NEGR1: variants seen among roughly 807,000 people sequenced by gnomAD.
NEGR1 encodes neuronal growth regulator 1.
NEGR1 carries 10 observed loss-of-function variants against 40.9 expected under a neutral mutation model. The ratio of observed to expected loss-of-function variants is 0.24; its 90% confidence interval spans 0.15 to 0.42. The LOEUF is 0.42. Ranked by LOEUF, NEGR1 falls within the 10% of genes least tolerant of loss-of-function variation. The pLI, the probability that NEGR1 is intolerant of heterozygous loss-of-function variation, is 1.00. For missense variants in NEGR1, 352 were observed against 438.9 expected (o/e 0.80, Z 1.77); for synonymous variants, 185 against 166.8 (o/e 1.11, Z -0.84).
chr1:71,500,146 G>C (rs1038648359), intron 6 of NEGR1, among the ~76,000 whole-genome samples: 1 of 151,860 alleles, frequency 6.6e-6, no homozygotes, highest in Non-Finnish European at 1.5e-5. Context: ...ATTATCTATA[G>C]TTAAGTTTTG....
chr1:71,752,818 G>A lies in NEGR1; in HGVS notation c.535+23354C>T, dbSNP rs78694675. Among the ~76,000 whole-genome samples, 54 of 152,150 alleles carry A rather than the reference G, an allele frequency of 3.5e-4. No homozygotes were observed. In the East Asian group the frequency reaches 9.5e-3, roughly 27 times the overall value. The stretch of plus-strand genomic sequence containing the variant: ...TACTATTTCCAGGAACAGGAGATTC[G>A]CTACTTAACATGGTTTCAGTTCTAT... On this transcript the variant is annotated intron_variant, in intron 3 of 6. Coordinates refer to ENST00000357731, the MANE Select transcript of NEGR1 (RefSeq NM_173808.3).
chr1:72,250,224 C>T (rs1655039622), intron 1 of NEGR1, among the ~76,000 whole-genome samples: 1 of 152,058 alleles, frequency 6.6e-6, no homozygotes, highest in Non-Finnish European at 1.5e-5. Flanking sequence ...TATCATAAGA[C>T]AATTCCTTAA....
intron 3 of NEGR1, among the ~76,000 whole-genome samples, chr1:71,770,871 C>T (rs563968411): frequency 1.3e-5 from 2 of 152,260 alleles, no homozygotes; most frequent in South Asian, 4.1e-4. Context: ...ATTAGTTCAA[C>T]CATTGTGGAA....
intron 1 of NEGR1, among the ~76,000 whole-genome samples, chr1:72,021,347 T>C (rs1198042206): frequency 6.6e-6 from 1 of 152,092 alleles, no homozygotes; most frequent in Non-Finnish European, 1.5e-5. Flanking sequence ...GCACTAAGTA[T>C]CCAAATTTAT....
chr1:72,062,865 A>G (rs1393031565), intron 1 of NEGR1, among the ~76,000 whole-genome samples: 2 of 151,928 alleles, frequency 1.3e-5, no homozygotes, highest in East Asian at 3.9e-4. Context: ...TTATTAACCA[A>G]TTAAGAAATG....
At chr1:71,477,580 C>T (rs1380607517) in intron 6 of NEGR1, 1 of 152,244 alleles carries the variant, frequency 6.6e-6, no homozygotes, top group Non-Finnish European at 1.5e-5. Flanking sequence ...TCCTCTTTCA[C>T]CTTTTACTTA....
At chr1:71,825,167 T>G (rs559933343) in intron 2 of NEGR1, among the ~76,000 whole-genome samples, 1 of 152,110 alleles carries the variant, frequency 6.6e-6, no homozygotes, top group South Asian at 2.1e-4. Flanking sequence ...TCAGTCTTTT[T>G]GATTTTAGTC....
intron 4 of NEGR1, among the ~76,000 whole-genome samples, chr1:71,620,146 T>TA (rs950898283): frequency 3.3e-5 from 5 of 151,784 alleles, no homozygotes; most frequent in African/African-American, 1.2e-4. Flanking sequence ...ACTGCAACAA[T>TA]AAAAAAGGGT....
intron 1 of NEGR1, among the ~76,000 whole-genome samples, chr1:72,234,240 G>T (rs895617579): frequency 9.2e-5 from 14 of 151,984 alleles, no homozygotes; most frequent in African/African-American, 3.4e-4. Context: ...GGGGTATTTG[G>T]TTTTCTGTTC....
intron 1 of NEGR1, among the ~76,000 whole-genome samples, chr1:71,943,451 A>C (rs139120186): frequency 9.7e-4 from 148 of 151,860 alleles, no homozygotes; most frequent in African/African-American, 3.4e-3. Context: ...TTTAACTCAT[A>C]ATTAAACTGT....
chr1:71,823,908 C>G (rs367989002), intron 2 of NEGR1, among the ~76,000 whole-genome samples: 9 of 152,116 alleles, frequency 5.9e-5, no homozygotes, highest in Middle Eastern at 3.4e-3. Context: ...TTTTTACATG[C>G]AGGTGGTGAT....
chr1:71,713,564 A>C (rs1451989239), intron 3 of NEGR1, among the ~76,000 whole-genome samples: 2 of 152,256 alleles, frequency 1.3e-5, no homozygotes, highest in African/African-American at 4.8e-5. Context: ...GTTACACATA[A>C]TGTAGCAGAA....
chr1:71,408,674 T>G (rs187188742), intron 6 of NEGR1: 1 of 152,064 alleles, frequency 6.6e-6, no homozygotes, highest in Admixed American at 6.6e-5. Context: ...ATAATAATAA[T>G]AATTGTAATA....
chr1:71,976,429 A>T (rs1646304579), intron 1 of NEGR1, among the ~76,000 whole-genome samples: 2 of 152,350 alleles, frequency 1.3e-5, no homozygotes, highest in South Asian at 4.1e-4. Flanking sequence ...TTACTGGAAG[A>T]TTTCCTGTGA....
At chr1:72,225,564 G>A (rs560109691) in intron 1 of NEGR1, among the ~76,000 whole-genome samples, 1 of 151,044 alleles carries the variant, frequency 6.6e-6, no homozygotes, top group East Asian at 2.0e-4. Context: ...CATTAATATA[G>A]GGCTAATACT....
intron 6 of NEGR1, among the ~76,000 whole-genome samples, chr1:71,413,042 GC>G (rs1646333474): frequency 7.3e-6 from 1 of 136,458 alleles, no homozygotes; most frequent in Non-Finnish European, 1.6e-5. Context: ...GGACTGTAGA[GC>G]TGGATGACAT....
intron 1 of NEGR1, among the ~76,000 whole-genome samples, chr1:72,198,634 T>C (rs576414069): frequency 1.3e-5 from 2 of 152,060 alleles, no homozygotes; most frequent in South Asian, 2.1e-4. Context: ...ATAATACTCT[T>C]CTTTGATCTT....
rs184553471 is a variant in NEGR1 at position 72,130,279 on chromosome 1, A to G, written c.176+152040T>C. ...GCCTTGAACATTCTCAGGCACAGAT[A>G]AAGTTGTTTAGGTTTTTTGCCCGAA... On this transcript the variant is annotated intron_variant, in intron 1 of 6. Transcript: ENST00000357731. Among the ~76,000 whole-genome samples the G allele has an allele frequency of 3.0e-3, 452 of 152,282 alleles. 2 individuals are homozygous for G. The highest frequency in any genetic ancestry group is 0.01 in the African/African-American group (432 of 41,570).
At chr1:71,724,063 G>T (rs1198258400) in intron 3 of NEGR1, among the ~76,000 whole-genome samples, 1 of 152,016 alleles carries the variant, frequency 6.6e-6, no homozygotes, top group East Asian at 1.9e-4. Flanking sequence ...ATTTTAAAAA[G>T]AACTTATCTC....
Sources: allele counts gnomAD v4.1 joint callset (sites outside exome capture counted in the v4.1 genomes callset), GRCh38; gene constraint gnomAD v4.1.1; transcripts MANE v1.5; gene names NCBI Gene and HGNC (gene_info 2026-07-23, HGNC 2026-07-21).